The following RBFOX1 variants were observed in gnomAD, a reference collection of about 807,000 sequenced individuals.
The protein encoded by RBFOX1 is RNA binding protein fox-1 homolog 1.
Under a neutral mutation model 57.7 loss-of-function variants are expected in RBFOX1, and 8 were observed. The ratio of observed to expected loss-of-function variants is 0.14; its 90% CI spans 0.08 to 0.25. RBFOX1 has a LOEUF of 0.25. Among genes scored for constraint, RBFOX1 ranks in the 10% least tolerant of loss-of-function variants. The probability of loss-of-function intolerance (pLI) is 1.00; values close to 1 mark genes in which losing one functional copy is unlikely to be tolerated. For synonymous variants in RBFOX1, 326 were observed against 222.4 expected (o/e 1.47, Z -4.15); for missense variants, 611 against 548.5 (o/e 1.11, Z -1.14).
chr16:5,884,467 C>G (rs1276352549), intron 4 of RBFOX1, among the ~76,000 whole-genome samples: 1 of 148,852 alleles, frequency 6.7e-6, no homozygotes, highest in Non-Finnish European at 1.5e-5. Flanking sequence ...CCCCACCACC[C>G]CCCTACCCCC....
chr16:6,849,217 G>T (rs1425689947), intron 3 of RBFOX1, among the ~76,000 whole-genome samples: 1 of 152,226 alleles, frequency 6.6e-6, no homozygotes, highest in African/African-American at 2.4e-5. Context: ...CAGAGAGTGT[G>T]TTGACAGTAG....
At chr16:6,267,933 T>G (rs1784740121) in intron 1 of RBFOX1, among the ~76,000 whole-genome samples, 2 of 152,186 alleles carry the variant, frequency 1.3e-5, no homozygotes, top group African/African-American at 4.8e-5. Flanking sequence ...GCATTAAAAT[T>G]TGACCTTTTC....
chr16:6,876,649 A>G (rs1020347016), intron 3 of RBFOX1, among the ~76,000 whole-genome samples: 3 of 152,114 alleles, frequency 2.0e-5, no homozygotes, highest in African/African-American at 7.2e-5. Flanking sequence ...CTAAGAGTAC[A>G]TTTCTCACCT....
chr16:7,502,274 G>A (rs569112286), intron 4 of RBFOX1, among the ~76,000 whole-genome samples: 9 of 151,822 alleles, frequency 5.9e-5, no homozygotes, highest in East Asian at 3.9e-4. Context: ...TACTATGTGC[G>A]GAAGAAAAAG....
At chr16:7,555,273 G>A (rs767339525) in intron 5 of RBFOX1, among the ~76,000 whole-genome samples, 3 of 152,118 alleles carry the variant, frequency 2.0e-5, no homozygotes, top group Non-Finnish European at 4.4e-5. Flanking sequence ...TGCAGCAAAA[G>A]GCAAAATCCT....
intron 1 of RBFOX1, among the ~76,000 whole-genome samples, chr16:6,186,463 T>C (rs184433113): frequency 1.3e-5 from 2 of 152,072 alleles, no homozygotes; most frequent in African/African-American, 4.8e-5. Context: ...GATACTTGCT[T>C]GGTTAGAGAG....
At chr16:7,650,845 C>T (rs2064894410) in intron 11 of RBFOX1, among the ~76,000 whole-genome samples, 1 of 152,192 alleles carries the variant, frequency 6.6e-6, no homozygotes, top group African/African-American at 2.4e-5. Flanking sequence ...GATTTGGAGT[C>T]AAGGCCATTC....
At chr16:7,004,591 C>G (rs906543391) in intron 3 of RBFOX1, among the ~76,000 whole-genome samples, 1 of 152,172 alleles carries the variant, frequency 6.6e-6, no homozygotes, top group Admixed American at 6.5e-5. Context: ...CAATGAATTT[C>G]TATTTAATGG....
intron 4 of RBFOX1, among the ~76,000 whole-genome samples, chr16:7,219,458 A>C (rs755812684): frequency 3.9e-5 from 6 of 152,218 alleles, no homozygotes; most frequent in Non-Finnish European, 7.3e-5. Context: ...CGGCTGCTCC[A>C]ACCGTGTTCA....
At chr16:7,574,509 G>T (rs1273210218) in intron 5 of RBFOX1, among the ~76,000 whole-genome samples, 1 of 152,148 alleles carries the variant, frequency 6.6e-6, no homozygotes, top group Non-Finnish European at 1.5e-5. Context: ...AGGTCCAAGA[G>T]TCCAAAAGCT....
At position 6,931,964 on chromosome 16, in the gene RBFOX1, G is replaced by C. The variant is rs548305935; in HGVS notation, c.-15-120093G>C. Among the ~76,000 whole-genome samples the C allele has an allele frequency of 2.6e-5, 4 of 152,154 alleles. No homozygotes were observed. In the East Asian group the frequency reaches 5.8e-4, roughly 22 times the overall value. On this transcript the variant is annotated intron_variant, in intron 3 of 15. Transcript: ENST00000550418. ...GGGGCTGAAGTCATCCTTTTAATCA[G>C]GAATCAACTCCCAAGATAACTAACC...
chr16:6,083,508 G>C lies in RBFOX1; in HGVS notation c.-127+63516G>C, dbSNP rs1442953712. On this transcript the variant is annotated intron_variant, in intron 1 of 15. Transcript: ENST00000550418. ...GTTTTGGTTTTTGAGATAGGGTCTT[G>C]CTTTCTTGCCCAGGCTGGAGGGCAG... is the stretch of plus-strand genomic sequence containing the variant. Among the ~76,000 whole-genome samples the C allele has an allele frequency of 2.0e-5, 3 of 152,144 alleles. No individual in the cohort carries two copies. The East Asian group carries it at 5.8e-4, about 29-fold the overall frequency.
chr16:6,192,579 A>G (rs1176107241), intron 1 of RBFOX1, among the ~76,000 whole-genome samples: 1 of 152,156 alleles, frequency 6.6e-6, no homozygotes, highest in East Asian at 1.9e-4. Context: ...GCATCTTCTT[A>G]TAATTTATGA....
chr16:7,419,002 T>C (rs1417982516), intron 4 of RBFOX1, among the ~76,000 whole-genome samples: 4 of 152,154 alleles, frequency 2.6e-5, no homozygotes, highest in Non-Finnish European at 5.9e-5. Flanking sequence ...CCTCCCGGGC[T>C]CATGCTTTCC....
intron 1 of RBFOX1, chr16:5,467,176 C>A: frequency 8.0e-7 from 1 of 1,248,964 alleles, no homozygotes; most frequent in Non-Finnish European, 1.1e-6. Flanking sequence ...AATGTTTCTT[C>A]TCTCTCTCTC....
At chr16:7,332,856 CT>C in intron 4 of RBFOX1, 3 of 1,466,446 alleles carry the variant, frequency 2.0e-6, no homozygotes, top group Non-Finnish European at 2.7e-6. Context: ...TTTCTTTCCT[CT>C]CCCGGCGTTG....
At chr16:5,459,926 C>T (rs1274780633) in intron 1 of RBFOX1, among the ~76,000 whole-genome samples, 1 of 152,114 alleles carries the variant, frequency 6.6e-6, no homozygotes, top group East Asian at 1.9e-4. Flanking sequence ...CTCCGTGTCG[C>T]CACTCCGAGT....
intron 2 of RBFOX1, among the ~76,000 whole-genome samples, chr16:6,546,631 T>A (rs1051886628): frequency 2.6e-5 from 4 of 152,224 alleles, no homozygotes; most frequent in Admixed American, 6.5e-5. Context: ...CTCCTTCTTA[T>A]AAGGACACAT....
chr16:5,822,576 A>G (rs2055894056), intron 3 of RBFOX1, among the ~76,000 whole-genome samples: 1 of 152,236 alleles, frequency 6.6e-6, no homozygotes. Flanking sequence ...TGCACTTAAA[A>G]TTTTCCAACC....
Sources: gnomAD v4.1 joint callset for allele counts (sites outside exome capture counted in the v4.1 genomes callset) on GRCh38, gnomAD v4.1.1 for gene constraint, MANE v1.5 for transcripts, NCBI Gene and HGNC (gene_info 2026-07-23, HGNC 2026-07-21) for gene names.